The following PDZD2 variants were observed in gnomAD, a reference collection of about 807,000 sequenced individuals.
The protein encoded by PDZD2 is PDZ domain-containing protein 2.
A neutral mutation model predicts 220.7 loss-of-function variants in PDZD2; 90 were observed. The ratio of observed to expected loss-of-function variants is 0.41; its 90% CI spans 0.34 to 0.49. The LOEUF is 0.49. Among genes scored for constraint, PDZD2 ranks in the 20% least tolerant of loss-of-function variants. PDZD2 has a pLI of 0.28. For synonymous variants in PDZD2, 1,375 were observed against 1,450.5 expected (o/e 0.95, Z 1.18); for missense variants, 3,174 against 3,608.5 (o/e 0.88, Z 3.08).
At chr5:31,803,915 T>A (rs770572382) in intron 2 of PDZD2, among the ~76,000 whole-genome samples, 2 of 151,858 alleles carry the variant, frequency 1.3e-5, no homozygotes, top group Non-Finnish European at 2.9e-5. Context: ...GGTGCACACC[T>A]GTAGTCCCAG....
chr5:31,948,917 G>A (rs758138337), intron 2 of PDZD2, among the ~76,000 whole-genome samples: 1 of 151,972 alleles, frequency 6.6e-6, no homozygotes, highest in Non-Finnish European at 1.5e-5. Context: ...TGGCCAACAT[G>A]GTGAAACCCT....
rs1276008717 is a variant in PDZD2 at position 32,098,590 on chromosome 5, A to G, written c.8174A>G (p.Lys2725Arg). 4 of 1,614,182 alleles carry G rather than the reference A, an allele frequency of 2.5e-6. No homozygotes were observed. The highest frequency in any genetic ancestry group is 2.2e-5 in the South Asian group (2 of 91,080). The change falls in exon 23 of 25, where the codon AAG (lysine) becomes AGG (arginine). Residue 2725 changes from lysine (K) to arginine (R), a missense_variant. Physicochemically the swap from Lys to Arg is conservative, Grantham distance 26. Transcript: ENST00000438447. The surrounding 1 kb of genome is among the most constrained non-coding windows in gnomAD (Gnocchi z 4.1). Reference protein sequence around the residue: ...ARQEPPTANGKGLLSRKTIPL... With the variant: ...ARQEPPTANGRGLLSRKTIPL... ...CAGGAGCCTCCCACAGCCAATGGGA[A>G]GGGTTTGCTGTCCAGAAAGACCATC...
intron 2 of PDZD2, among the ~76,000 whole-genome samples, chr5:31,948,753 G>T (rs1054011273): frequency 1.3e-5 from 2 of 152,146 alleles, no homozygotes; most frequent in Admixed American, 1.3e-4. Context: ...TTCTGTAACA[G>T]TCCCAGCTTT....
chr5:31,704,748 A>C (rs1320888226), intron 1 of PDZD2, among the ~76,000 whole-genome samples: 1 of 152,230 alleles, frequency 6.6e-6, no homozygotes, highest in Non-Finnish European at 1.5e-5. Flanking sequence ...CCTCACCTAA[A>C]TTAAGAAAAC....
intron 1 of PDZD2, among the ~76,000 whole-genome samples, chr5:31,707,377 A>G (rs980164812): frequency 2.6e-5 from 4 of 152,272 alleles, no homozygotes; most frequent in African/African-American, 7.2e-5. Context: ...GAAGAGGTAG[A>G]GAAACCAGTG....
At chr5:31,997,784 T>A (rs897335015) in intron 4 of PDZD2, among the ~76,000 whole-genome samples, 7 of 152,218 alleles carry the variant, frequency 4.6e-5, no homozygotes, top group Admixed American at 4.6e-4. Flanking sequence ...CGGGGCATTT[T>A]AGTTAGTAAC....
Position 32,087,522 on chromosome 5 carries a change from C to T in PDZD2, c.4074C>T (p.His1358=), listed in dbSNP as rs748419155. ...QEQRQGAPGN[H]SKALEMTGIH... is the part of the protein sequence containing the mutation. ...AGAGACAGGGAGCTCCAGGTAACCA[C>T]AGTAAGGCTCTGGAAATGACAGGAA... is the stretch of plus-strand genomic sequence containing the variant. Residue 1358 remains histidine, a synonymous_variant, in exon 20 of 25, where the codon CAC becomes CAT. Transcript: ENST00000438447. This position sits in a 1 kb window ranked among gnomAD's most constrained non-coding sequence, Gnocchi z 4.0. 4 of 1,613,372 alleles carry T rather than the reference C, an allele frequency of 2.5e-6. No homozygotes were observed. Among genetic ancestry groups the T allele is most frequent in the East Asian group, 2.2e-5 (1 of 44,874 alleles).
At chr5:32,035,332 C>T (rs1414800353) in intron 6 of PDZD2, among the ~76,000 whole-genome samples, 2 of 151,888 alleles carry the variant, frequency 1.3e-5, no homozygotes, top group Admixed American at 6.6e-5. Context: ...GTGATCTCGG[C>T]TCACTGCAAC....
At chr5:32,006,069 C>A (rs1282798520) in intron 5 of PDZD2, among the ~76,000 whole-genome samples, 1 of 151,690 alleles carries the variant, frequency 6.6e-6, no homozygotes, top group Non-Finnish European at 1.5e-5. Flanking sequence ...ATCGCTTGAA[C>A]CCAGGAGGCA....
intron 2 of PDZD2, among the ~76,000 whole-genome samples, chr5:31,866,931 C>T (rs1200479732): frequency 6.6e-6 from 1 of 152,164 alleles, no homozygotes; most frequent in East Asian, 1.9e-4. Context: ...TAGAAGGGAT[C>T]TCAGAGCATG....
At chr5:31,768,117 T>C (rs74940434) in intron 1 of PDZD2, among the ~76,000 whole-genome samples, 9,162 of 152,166 alleles carry the variant, frequency 0.06, 343 homozygotes, top group Non-Finnish European at 0.087. Context: ...GACCTGGAGT[T>C]AGGTCTCTCC....
rs544965451 is a variant in PDZD2, at chr5:32,087,774, G to A, written c.4326G>A (p.Pro1442=). 4.5e-5 allele frequency: 72 copies of A among 1,613,976 alleles called. 1 individual carries two copies. In the South Asian group the frequency reaches 4.5e-4, roughly 10 times the overall value. The change falls in exon 20 of 25, where the codon CCG becomes CCA. Residue 1442 remains proline, a synonymous_variant. Coordinates refer to ENST00000438447, the MANE Select transcript of PDZD2 (RefSeq NM_178140.4). This position sits in a 1 kb window ranked among gnomAD's most constrained non-coding sequence, Gnocchi z 4.0. ...TGGATGCTTCTGCAGCAAGGTCTCC[G>A]TCTTCCCAGACGGGGGACAGTGGCT... ...KELDASAARS[P]SSQTGDSGSQ...
intron 10 of PDZD2, 37 bp from the exon 11 acceptor site, chr5:32,057,618 G>A (rs1285416211): frequency 8.2e-7 from 1 of 1,217,330 alleles, no homozygotes; most frequent in Non-Finnish European, 1.2e-6. Context: ...GGAAATTAAA[G>A]GCTAATGTTA....
At chr5:32,077,667 A>G in intron 19 of PDZD2, 61 bp downstream of exon 19, 1 of 1,553,992 alleles carries the variant, frequency 6.4e-7, no homozygotes, top group Admixed American at 1.7e-5. Flanking sequence ...TAATGAAAGC[A>G]TTATACAGGC....
At chr5:31,953,975 G>A (rs1331550283) in intron 2 of PDZD2, among the ~76,000 whole-genome samples, 1 of 152,098 alleles carries the variant, frequency 6.6e-6, no homozygotes, top group Non-Finnish European at 1.5e-5. Context: ...AATTAGCCAG[G>A]CATGGTGTCT....
At position 31,930,276 on chromosome 5, in the gene PDZD2, G is replaced by A. The variant is rs371182515; in HGVS notation, c.477-52879G>A. Among the ~76,000 whole-genome samples, 251 of 141,864 alleles carry A rather than the reference G, an allele frequency of 1.8e-3. 2 individuals are homozygous for A. Among genetic ancestry groups the A allele is most frequent in the African/African-American group, 6.4e-3 (239 of 37,500 alleles). The allele number at this position is 141,864 out of a possible 152,430, so 93.1% of individuals were successfully genotyped here. A position where few individuals can be genotyped will look rare whatever the true frequency, so the allele number is the denominator to read the frequency against. Reference sequence around the variant, plus strand: ...GCTGGGGTGCAGTGGCATGATCTCCGCTTACTGCAAGCTCTGCCTCCCGGG... The same window carrying A: ...GCTGGGGTGCAGTGGCATGATCTCCACTTACTGCAAGCTCTGCCTCCCGGG... On this transcript the variant is annotated intron_variant, in intron 2 of 24. Transcript: ENST00000438447.
intron 1 of PDZD2, among the ~76,000 whole-genome samples, chr5:31,793,163 C>T (rs1162627514): frequency 1.3e-5 from 2 of 149,900 alleles, no homozygotes; most frequent in Non-Finnish European, 2.9e-5. Context: ...AGAACAGTGT[C>T]TCACACACAG....
intron 2 of PDZD2, among the ~76,000 whole-genome samples, chr5:31,944,254 C>T (rs904788286): frequency 2.0e-5 from 3 of 152,088 alleles, no homozygotes; most frequent in Admixed American, 6.6e-5. Flanking sequence ...AGAAAAGGAA[C>T]CCTGTCTTAA....
intron 1 of PDZD2, among the ~76,000 whole-genome samples, chr5:31,755,803 C>T (rs1039742556): frequency 1.3e-5 from 2 of 152,166 alleles, no homozygotes; most frequent in East Asian, 1.9e-4. Context: ...AGCTGATGAA[C>T]GTGGCCTGGC....
Sources: gnomAD v4.1 joint callset for allele counts (sites outside exome capture counted in the v4.1 genomes callset) on GRCh38, gnomAD v4.1.1 for gene constraint, Gnocchi (gnomAD v3.1) non-coding constraint, MANE v1.5 for transcripts, NCBI Gene and HGNC (gene_info 2026-07-23, HGNC 2026-07-21) for gene names.